BTRC: variants seen among roughly 807,000 people sequenced by gnomAD.
The protein encoded by BTRC is beta-transducin repeat containing E3 ubiquitin protein ligase.
In BTRC, 42 loss-of-function variants were observed where a neutral mutation model predicts 85.5. The observed-to-expected ratio is 0.49, with a 90% CI of 0.38 to 0.64. The LOEUF (loss-of-function observed/expected upper bound fraction) is 0.64, where lower values mean the gene tolerates loss of function less well. Among genes scored for constraint, BTRC ranks in the 30% least tolerant of loss-of-function variants. The pLI is 0.00. For missense variants in BTRC, 594 were observed against 743.5 expected, an observed-to-expected ratio of 0.80 and a Z score of 2.34; for synonymous variants, 255 against 263.3, an observed-to-expected ratio of 0.97 and a Z score of 0.30.
At chr10:101,367,042 A>AT (rs1564730886) in intron 1 of BTRC, among the ~76,000 whole-genome samples, 22 of 61,994 alleles carry the variant, frequency 3.5e-4, no homozygotes, top group African/African-American at 1.3e-3. Flanking sequence ...TTATATATAT[A>AT]AATATATATA....
chr10:101,436,597 A>G (rs1944535567), intron 2 of BTRC, among the ~76,000 whole-genome samples: 1 of 151,548 alleles, frequency 6.6e-6, no homozygotes. Context: ...CCTGGGTGAC[A>G]GAGTGAGACC....
At chr10:101,513,668 CAGTT>C (rs2061985421) in intron 4 of BTRC, among the ~76,000 whole-genome samples, 1 of 152,038 alleles carries the variant, frequency 6.6e-6, no homozygotes, top group Non-Finnish European at 1.5e-5. Flanking sequence ...GTTTGTTTAC[CAGTT>C]AATCTTTTGA....
At chr10:101,402,081 G>A (rs1204411948) in intron 1 of BTRC, among the ~76,000 whole-genome samples, 2 of 152,030 alleles carry the variant, frequency 1.3e-5, no homozygotes, top group Non-Finnish European at 2.9e-5. Context: ...AATTTGCTTT[G>A]GGTCATTCTA....
intron 13 of BTRC, among the ~76,000 whole-genome samples, chr10:101,547,713 C>T (rs1349034798): frequency 6.6e-6 from 1 of 151,958 alleles, no homozygotes; most frequent in African/African-American, 2.4e-5. Flanking sequence ...TAATAATGTG[C>T]CAATAAAATG....
intron 1 of BTRC, among the ~76,000 whole-genome samples, chr10:101,365,455 C>T (rs1026003053): frequency 2.7e-5 from 4 of 150,392 alleles, no homozygotes; most frequent in East Asian, 3.9e-4. Context: ...AATTCTTTTT[C>T]TTTTTAAAAA....
intron 1 of BTRC, among the ~76,000 whole-genome samples, chr10:101,387,679 A>G (rs768703917): frequency 6.8e-6 from 1 of 147,834 alleles, no homozygotes; most frequent in Non-Finnish European, 1.5e-5. Flanking sequence ...GGTGCCCACC[A>G]CCACACCCGG....
chr10:101,482,696 A>G (rs576173690), intron 4 of BTRC, among the ~76,000 whole-genome samples: 3 of 152,004 alleles, frequency 2.0e-5, no homozygotes, highest in East Asian at 1.9e-4. Context: ...CATCCGGCCA[A>G]CTGTTTCTAT....
intron 14 of BTRC, 113 bp from the exon 15 acceptor site, chr10:101,553,038 TAGGA>T (rs2062675737): frequency 6.6e-6 from 1 of 152,308 alleles, no homozygotes; most frequent in Admixed American, 6.5e-5. Context: ...GAGCAGGCAT[TAGGA>T]AGGACCCCTA....
chr10:101,479,406 A>C lies in BTRC; in HGVS notation c.273A>C (p.Glu91Asp). The part of the protein sequence containing the change: ...NSCARLCLNQ[E>D]TVCLASTAMK... Reference sequence around the variant, plus strand: ...GTGCCAGACTCTGCTTAAACCAAGAAACAGTATGTTTAGCAAGCACTGCTA... The same window carrying C: ...GTGCCAGACTCTGCTTAAACCAAGACACAGTATGTTTAGCAAGCACTGCTA... The change falls in exon 4 of 15, where the codon GAA becomes GAC. Residue 91 changes from glutamate (E) to aspartate (D), a missense_variant. Coordinates refer to ENST00000370187, the MANE Select transcript of BTRC (RefSeq NM_033637.4). The C allele has an allele frequency of 6.2e-7, 1 of 1,613,452 alleles. No individual in the cohort carries two copies. The highest frequency in any genetic ancestry group is 8.5e-7 in the Non-Finnish European group (1 of 1,179,560).
In BTRC at chr10:101,473,286, A is replaced by C. The variant is rs1295931768; in HGVS notation, c.235-6082A>C. 2.7e-5 allele frequency among the ~76,000 whole-genome samples: 4 copies of C among 149,218 alleles called. No individual in the cohort carries two copies. In the South Asian group the frequency reaches 6.4e-4, roughly 24 times the overall value. On this transcript the variant is annotated intron_variant, in intron 3 of 14. Transcript: ENST00000370187. The stretch of plus-strand genomic sequence containing the variant: ...GTCTGCTTTTTAAGCCTCTCCAGTA[A>C]ATTTTTTGATTTTTTTGAGATAGGG...
chr10:101,433,244 C>T (rs780053594), intron 2 of BTRC, among the ~76,000 whole-genome samples: 1 of 152,068 alleles, frequency 6.6e-6, no homozygotes. Flanking sequence ...ACTTTACATA[C>T]ATATATAGAT....
At chr10:101,505,537 G>A (rs1435245732) in intron 4 of BTRC, among the ~76,000 whole-genome samples, 1 of 151,410 alleles carries the variant, frequency 6.6e-6, no homozygotes, top group South Asian at 2.1e-4. Flanking sequence ...GGAGAATGGC[G>A]TGAACCTAGG....
intron 1 of BTRC, among the ~76,000 whole-genome samples, chr10:101,361,137 C>T (rs899927026): frequency 1.3e-5 from 2 of 151,864 alleles, no homozygotes; most frequent in African/African-American, 4.8e-5. Flanking sequence ...GACGGAGTCT[C>T]GCTCTATTGC....
At chr10:101,483,360 C>T (rs1048647024) in intron 4 of BTRC, among the ~76,000 whole-genome samples, 21 of 152,246 alleles carry the variant, frequency 1.4e-4, no homozygotes, top group African/African-American at 3.6e-4. Flanking sequence ...TTTGGGAGGC[C>T]GAGACGGGTG....
intron 1 of BTRC, among the ~76,000 whole-genome samples, chr10:101,391,843 G>T (rs1213016822): frequency 3.9e-5 from 6 of 152,148 alleles, no homozygotes; most frequent in Non-Finnish European, 7.3e-5. Flanking sequence ...ATTGTGTCCA[G>T]ATAGTTGTAA....
chr10:101,430,823 T>A (rs993449521), intron 2 of BTRC, among the ~76,000 whole-genome samples: 1 of 152,172 alleles, frequency 6.6e-6, no homozygotes, highest in Non-Finnish European at 1.5e-5. Flanking sequence ...TTAATTACAA[T>A]CAGTTTCCTG....
chr10:101,538,418 G>A, intron 13 of BTRC, 47 bp downstream of exon 13: 1 of 1,496,394 alleles, frequency 6.7e-7, no homozygotes, highest in Non-Finnish European at 9.3e-7. Context: ...GGTGGGGGAA[G>A]AAATTAAACG....
chr10:101,386,816 A>G (rs1696966878), intron 1 of BTRC, among the ~76,000 whole-genome samples: 1 of 152,148 alleles, frequency 6.6e-6, no homozygotes, highest in Admixed American at 6.5e-5. Context: ...GTTTTTAATT[A>G]GTACTTTTGT....
intron 5 of BTRC, 145 bp from the exon 6 acceptor site, chr10:101,525,868 G>A: frequency 1.5e-6 from 1 of 682,890 alleles, no homozygotes; most frequent in Non-Finnish European, 2.3e-6. Context: ...CCAAGCCTCT[G>A]TTTGAAAAAG....
Sources: allele counts gnomAD v4.1 joint callset (sites outside exome capture counted in the v4.1 genomes callset), GRCh38; gene constraint gnomAD v4.1.1; transcripts MANE v1.5; gene names NCBI Gene and HGNC (gene_info 2026-07-23, HGNC 2026-07-21).